Variants in PKP3 observed in about 807,000 individuals in gnomAD.
The protein encoded by PKP3 is plakophilin-3.
In PKP3, 66 loss-of-function variants were observed where a neutral mutation model predicts 76.5. That is an observed-to-expected ratio of 0.86 (90% CI 0.71 to 1.06). The LOEUF (loss-of-function observed/expected upper bound fraction) is 1.06. Ranked by LOEUF, PKP3 falls within the 50% of genes least tolerant of loss-of-function variation. PKP3 has a pLI of 0.00. For missense variants in PKP3, 1,338 were observed against 1,141.0 expected (o/e 1.17, Z -2.49); for synonymous variants, 638 against 516.5 (o/e 1.24, Z -3.19).
At chr11:396,789 C>G in intron 2 of PKP3, 25 bp from the exon 3 acceptor site, 1 of 1,566,838 alleles carries the variant, frequency 6.4e-7, no homozygotes, top group Non-Finnish European at 8.6e-7. Context: ...CAGGCACGCC[C>G]TCACCGCCCC....
rs367990948 is a variant in PKP3 at position 404,358 on chromosome 11, G to A, written c.2358+35G>A. On this transcript the variant is annotated intron_variant, in intron 12 of 12. Coordinates refer to ENST00000331563, the MANE Select transcript of PKP3 (RefSeq NM_007183.4). The surrounding 1 kb of genome is among the most constrained non-coding windows in gnomAD (Gnocchi z 4.2). ...CCGAGCCCAGGGCAAGCAGGGACCC[G>A]GGTGCAGGGCATGGGACGCCGGGGG... The A allele has an allele frequency of 4.0e-5, 63 of 1,579,740 alleles. No individual in the cohort carries two copies. The highest frequency in any genetic ancestry group is 6.7e-5 in the African/African-American group (5 of 74,278).
chr11:404,332 C>T lies in PKP3; in HGVS notation c.2358+9C>T, dbSNP rs751071247. 2.5e-6 allele frequency: 4 copies of T among 1,610,476 alleles called. No individual in the cohort carries two copies. Among genetic ancestry groups the T allele is most frequent in the East Asian group, 2.2e-5 (1 of 44,862 alleles). ...ACCGTGACTTCCGGGCGGTACGTTT[C>T]CCGAGCCCAGGGCAAGCAGGGACCC... On this transcript the variant is annotated intron_variant, in intron 12 of 12. Transcript: ENST00000331563. The surrounding 1 kb of genome is among the most constrained non-coding windows in gnomAD (Gnocchi z 4.2).
Position 404,103 on chromosome 11 carries a change from A to C in PKP3, c.2238A>C (p.Arg746=). The C allele has an allele frequency of 3.7e-6, 6 of 1,611,652 alleles. No homozygotes were observed. The highest frequency in any genetic ancestry group is 5.1e-6 in the Non-Finnish European group (6 of 1,179,256). Residue 746 remains arginine, a synonymous_variant, in exon 11 of 13, where the codon CGA becomes CGC. Transcript: ENST00000331563. The surrounding 1 kb of genome is among the most constrained non-coding windows in gnomAD (Gnocchi z 4.2). ...ACCTGCTGTATTTTGACGGACTCCGAAAGCTCATCTTCATCAAGAAGAAGC... is the reference window on the plus strand; with the variant it reads ...ACCTGCTGTATTTTGACGGACTCCGCAAGCTCATCTTCATCAAGAAGAAGC... ...ARDLLYFDGL[R]KLIFIKKKRD... is the part of the protein sequence containing the mutation.
At chr11:399,750 C>A (rs1055180041) in intron 5 of PKP3, among the ~76,000 whole-genome samples, 1 of 150,886 alleles carries the variant, frequency 6.6e-6, no homozygotes, top group African/African-American at 2.4e-5. Flanking sequence ...CACTGCCAGG[C>A]CTGCTCACCA....
rs750031712 is a variant in PKP3 at position 404,045 on chromosome 11, A to G, written c.2180A>G (p.Asn727Ser). The G allele has an allele frequency of 6.2e-7, 1 of 1,612,538 alleles. No homozygotes were observed. The highest frequency in any genetic ancestry group is 1.3e-5 in the African/African-American group (1 of 75,022). Residue 727 changes from asparagine to serine, a missense_variant, in exon 11 of 13, where the codon AAC becomes AGC. Transcript: ENST00000331563. The surrounding 1 kb of genome is among the most constrained non-coding windows in gnomAD (Gnocchi z 4.2). ...VLVNIIAVLN[N>S]LVVASPIAAR... ...GTCAACATCATAGCTGTGCTCAACAACCTGGTGGTGGCCAGCCCCATCGCT... is the reference window on the plus strand; with the variant it reads ...GTCAACATCATAGCTGTGCTCAACAGCCTGGTGGTGGCCAGCCCCATCGCT...
intron 1 of PKP3, 68 bp downstream of exon 1, chr11:394,592 T>A (rs1362118814): frequency 8.0e-7 from 1 of 1,244,492 alleles, no homozygotes; most frequent in Non-Finnish European, 1.0e-6. Flanking sequence ...GACGTGATAG[T>A]GTGAGGGCAG....
At chr11:392,884 A>G (rs903238601), upstream of PKP3, among the ~76,000 whole-genome samples, 9 of 150,640 alleles carry the variant, frequency 6.0e-5, no homozygotes, top group Non-Finnish European at 1.3e-4. Context: ...GCTGCCTCCT[A>G]ACCCTGACCC....
Position 404,577 on chromosome 11 carries a change from C to T in PKP3, c.*8C>T. The T allele has an allele frequency of 6.2e-7, 1 of 1,612,162 alleles. No homozygotes were observed. The highest frequency in any genetic ancestry group is 8.5e-7 in the Non-Finnish European group (1 of 1,179,468). ...GACTTCCTGGGCCCATAGGTGAAGC[C>T]TTCTGGAGGAGAAGGTGACGTGGCC... On this transcript the variant is annotated 3_prime_UTR_variant, in exon 13 of 13. Coordinates refer to ENST00000331563, the MANE Select transcript of PKP3 (RefSeq NM_007183.4). This position sits in a 1 kb window ranked among gnomAD's most constrained non-coding sequence, Gnocchi z 4.2.
At chr11:398,830 A>T (rs1847098112) in intron 4 of PKP3, among the ~76,000 whole-genome samples, 162 bp from the exon 5 acceptor site, 2 of 145,422 alleles carry the variant, frequency 1.4e-5, no homozygotes, top group African/African-American at 5.2e-5. Flanking sequence ...CCCCGCACAC[A>T]CCTCCGTCAC....
At chr11:392,994 C>T (rs1233905140), upstream of PKP3, among the ~76,000 whole-genome samples, 2 of 151,988 alleles carry the variant, frequency 1.3e-5, no homozygotes, top group Non-Finnish European at 2.9e-5. Flanking sequence ...AGCCCAGAGC[C>T]AGGGTCCAGG....
chr11:392,607 C>T, upstream of PKP3: 1 of 1,274,214 alleles, frequency 7.8e-7, no homozygotes, highest in Non-Finnish European at 1.0e-6. Flanking sequence ...CAGAGGCTGC[C>T]CCGCACGCGC....
At chr11:395,607 C>T (rs748720685) in intron 1 of PKP3, among the ~76,000 whole-genome samples, 10 of 152,174 alleles carry the variant, frequency 6.6e-5, no homozygotes, top group African/African-American at 9.7e-5. Context: ...GCCCCCACTC[C>T]GGGCTGGGCC....
chr11:399,382 GCCATCTGCCCCACTCCT>G (rs1275625439), intron 5 of PKP3, among the ~76,000 whole-genome samples, 186 bp downstream of exon 5: 2 of 32,748 alleles, frequency 6.1e-5, no homozygotes, highest in East Asian at 2.0e-3. Context: ...CCACCTGCCC[GCCATCTGCCCCACTCCT>G]CCACCTGCCC....
chr11:398,976 A>ATGCC lies in PKP3; in HGVS notation c.1069-13_1069-10dup. The ATGCC allele has an allele frequency of 6.5e-7, 1 of 1,543,888 alleles. No individual in the cohort carries two copies. Among genetic ancestry groups the ATGCC allele is most frequent in the Non-Finnish European group, 8.8e-7 (1 of 1,140,270 alleles). Reference sequence around the variant, plus strand: ...TCCACATGCGTCTGTGCACCCCCATATGCCTGTGCCCGCAGGCCCGCAGCC... The same window carrying ATGCC: ...TCCACATGCGTCTGTGCACCCCCATATGCCTGCCTGTGCCCGCAGGCCCGCAGCC... On this transcript the variant is annotated splice_polypyrimidine_tract_variant and intron_variant, in intron 4 of 12. Transcript: ENST00000331563.
Position 397,681 on chromosome 11 carries a change from C to A in PKP3, c.1068+19C>A. 1 of 1,605,982 alleles carries A rather than the reference C, an allele frequency of 6.2e-7. No homozygotes were observed. Among genetic ancestry groups the A allele is most frequent in the South Asian group, 1.1e-5 (1 of 90,400 alleles). On this transcript the variant is annotated intron_variant, in intron 4 of 12. Transcript: ENST00000331563. ...GAAGCAGGTGACCACCCCGACCACC[C>A]ACTCGCTGCCCCCTGGTGACCTCCT... is the stretch of plus-strand genomic sequence containing the variant.
Position 403,146 on chromosome 11 carries a change from G to C in PKP3, c.1806G>C (p.Leu602=), listed in dbSNP as rs1231245456. 1 of 1,579,816 alleles carries C rather than the reference G, an allele frequency of 6.3e-7. No homozygotes were observed. Among genetic ancestry groups the C allele is most frequent in the Admixed American group, 1.8e-5 (1 of 55,024 alleles). The change falls in exon 9 of 13, where the codon CTG becomes CTC. Residue 602 remains leucine (L), a synonymous_variant. Transcript: ENST00000331563. ...VSKDPKGLEW[L]WSPQIVGLYN... is the part of the protein sequence containing the mutation. ...AGGACCCCAAGGGCCTCGAGTGGCT[G>C]TGGAGCCCCCAGATCGTGGGGCTGT... is the stretch of plus-strand genomic sequence containing the variant.
chr11:399,211 CTCCTCCACCTGTCCT>C lies in PKP3; in HGVS notation c.1273+27_1273+41del, dbSNP rs1487702382. ...AAATGTCACAGGTGCTGCCTGTCCC[CTCCTCCACCTGTCCT>C]TCCTCCACCTGCGCCCCTCTGCCTA... On this transcript the variant is annotated intron_variant, in intron 5 of 12. Coordinates refer to ENST00000331563, the MANE Select transcript of PKP3 (RefSeq NM_007183.4). The C allele has an allele frequency of 8.5e-6, 13 of 1,523,378 alleles. No homozygotes were observed. The highest frequency in any genetic ancestry group is 7.3e-5 in the South Asian group (6 of 82,254). 94.4% of individuals were successfully genotyped at this position (1,523,378 alleles called of 1,614,324 possible).
chr11:400,514 GC>G lies in PKP3; in HGVS notation c.1567-17del. On this transcript the variant is annotated intron_variant, in intron 7 of 12. Coordinates refer to ENST00000331563, the MANE Select transcript of PKP3 (RefSeq NM_007183.4). ...GGCCGCCGCTCTGACCCGCGCCCCT[GC>G]CCCGCGCCCCCGCCCGCAGAGCGTG... is the stretch of plus-strand genomic sequence containing the variant. The G allele has an allele frequency of 6.7e-7, 1 of 1,492,296 alleles. No individual in the cohort carries two copies. The highest frequency in any genetic ancestry group is 8.9e-7 in the Non-Finnish European group (1 of 1,126,176). The allele number at this position is 1,492,296 out of a possible 1,614,324, so 92.4% of individuals were successfully genotyped here.
rs1241317441 is a variant in PKP3, at chr11:398,821, CCCGCACACACCTCCGTCACCTCCCTACCG to C, written c.1069-144_1069-116del. 1.0e-3 allele frequency among the ~76,000 whole-genome samples: 156 copies of C among 149,186 alleles called. 1 individual carries two copies. The highest frequency in any genetic ancestry group is 3.1e-3 in the East Asian group (16 of 5,092). On this transcript the variant is annotated intron_variant, in intron 4 of 12. Coordinates refer to ENST00000331563, the MANE Select transcript of PKP3 (RefSeq NM_007183.4). ...CACACACCTGCGTCACCTCCGTACC[CCCGCACACACCTCCGTCACCTCCCTACCG>C]CCGCACACACCTCCGTCACCTCCCT...
Sources: allele counts gnomAD v4.1 joint callset (sites outside exome capture counted in the v4.1 genomes callset), GRCh38; gene constraint gnomAD v4.1.1; non-coding constraint Gnocchi (gnomAD v3.1); transcripts MANE v1.5; gene names NCBI Gene and HGNC (gene_info 2026-07-23, HGNC 2026-07-21).